Variants in ZMYM4 observed in about 807,000 individuals in gnomAD.
ZMYM4 encodes the protein zinc finger MYM-type protein 4.
ZMYM4 carries 31 observed loss-of-function variants against 183.2 expected under a neutral mutation model. The ratio of observed to expected loss-of-function variants is 0.17; its 90% CI spans 0.13 to 0.23. ZMYM4 has a LOEUF of 0.23. ZMYM4 is among the 10% of genes least tolerant of loss of function. ZMYM4 has a pLI of 1.00. For missense variants in ZMYM4, 1,273 were observed against 1,840.3 expected, an observed-to-expected ratio of 0.69 and a Z score of 5.64; for synonymous variants, 592 against 631.2, an observed-to-expected ratio of 0.94 and a Z score of 0.93.
chr1:35,279,248 T>TTA (rs1276222320), intron 1 of ZMYM4, among the ~76,000 whole-genome samples: 16 of 152,234 alleles, frequency 1.1e-4, no homozygotes, highest in Non-Finnish European at 4.4e-5. Flanking sequence ...GTAAGACACT[T>TTA]TAAAAAATTT....
At chr1:35,357,258 T>C (rs939685884) in intron 2 of ZMYM4, among the ~76,000 whole-genome samples, 2 of 152,110 alleles carry the variant, frequency 1.3e-5, no homozygotes, top group Admixed American at 6.6e-5. Context: ...TCAAATCAAC[T>C]TAACAAAAGG....
intron 2 of ZMYM4, among the ~76,000 whole-genome samples, chr1:35,351,902 A>G (rs527541589): frequency 4.6e-5 from 7 of 152,228 alleles, no homozygotes; most frequent in Non-Finnish European, 8.8e-5. Context: ...TGCTTTCATT[A>G]TAAAACAAAT....
At chr1:35,329,788 A>G (rs1184750602) in intron 2 of ZMYM4, among the ~76,000 whole-genome samples, 2 of 152,168 alleles carry the variant, frequency 1.3e-5, no homozygotes, top group Non-Finnish European at 2.9e-5. Flanking sequence ...TCCTGGGGTC[A>G]AGCAGTCCTC....
intron 7 of ZMYM4, 41 bp from the exon 8 acceptor site, chr1:35,381,218 G>C (rs1441573007): frequency 6.7e-7 from 1 of 1,481,566 alleles, no homozygotes; most frequent in Admixed American, 2.2e-5. Flanking sequence ...AAAAAGAAAT[G>C]AATTATACCA....
In ZMYM4 at chr1:35,418,435, G is replaced by A. The variant is rs1480788934; in HGVS notation, c.4310-8G>A. The A allele has an allele frequency of 3.7e-6, 6 of 1,612,678 alleles. No individual in the cohort carries two copies. The East Asian group carries it at 6.7e-5, about 18-fold the overall frequency. ...TATAATCCTTTGATTATTATTTCCT[G>A]TCTCAAGATAAACTGACTGTTGGCA... On this transcript the variant is annotated splice_polypyrimidine_tract_variant and splice_region_variant and intron_variant, in intron 28 of 29. Coordinates refer to ENST00000314607, the MANE Select transcript of ZMYM4 (RefSeq NM_005095.3).
In ZMYM4 at chr1:35,389,214, A is replaced by C. The variant is rs1644647362; in HGVS notation, c.2436+132A>C. The C allele has an allele frequency of 1.2e-6, 1 of 861,672 alleles. No homozygotes were observed. Among genetic ancestry groups the C allele is most frequent in the Non-Finnish European group, 1.7e-6 (1 of 595,284 alleles). The allele number at this position is 861,672 out of a possible 1,614,324, so 53.4% of individuals were successfully genotyped here. A position where few individuals can be genotyped will look rare whatever the true frequency, so the allele number is the denominator to read the frequency against. On this transcript the variant is annotated intron_variant, in intron 14 of 29. Coordinates refer to ENST00000314607, the MANE Select transcript of ZMYM4 (RefSeq NM_005095.3). This position sits in a 1 kb window ranked among gnomAD's most constrained non-coding sequence, Gnocchi z 4.0. ...TATTAAATGTTTTATGCCTTCTAGC[A>C]ATTAATATAAGATTTAGAAAGACTT... is the stretch of plus-strand genomic sequence containing the variant.
intron 1 of ZMYM4, among the ~76,000 whole-genome samples, chr1:35,291,896 A>G (rs1640781345): frequency 6.6e-6 from 1 of 152,014 alleles, no homozygotes; most frequent in Non-Finnish European, 1.5e-5. Context: ...TGACCTCCCA[A>G]AGTGCTGGGA....
At chr1:35,392,740 C>G in intron 17 of ZMYM4, 56 bp downstream of exon 17, 1 of 1,398,986 alleles carries the variant, frequency 7.1e-7, no homozygotes, top group Non-Finnish European at 9.9e-7. Context: ...CATTTTCATA[C>G]AGTATAAATA....
chr1:35,330,126 G>A (rs756868160), intron 2 of ZMYM4, among the ~76,000 whole-genome samples: 3 of 151,322 alleles, frequency 2.0e-5, no homozygotes, highest in Admixed American at 6.6e-5. Context: ...GAGTCAGGAG[G>A]ATTGATTGAG....
In ZMYM4 at chr1:35,418,157, C is replaced by T. The variant is rs1414350103; in HGVS notation, c.4310-286C>T. 2.6e-4 allele frequency among the ~76,000 whole-genome samples: 40 copies of T among 152,286 alleles called. 1 individual carries two copies. Among genetic ancestry groups the T allele is most frequent in the Middle Eastern group, 3.4e-3 (1 of 294 alleles). ...AATAAAGTCAGGCTCAGAATAGAGACGTTTTCCAGTGCCAGTGCCATACTT... is the reference window on the plus strand; with the variant it reads ...AATAAAGTCAGGCTCAGAATAGAGATGTTTTCCAGTGCCAGTGCCATACTT... On this transcript the variant is annotated intron_variant, in intron 28 of 29. Coordinates refer to ENST00000314607, the MANE Select transcript of ZMYM4 (RefSeq NM_005095.3).
rs1057165199 is a variant in ZMYM4 at position 35,361,138 on chromosome 1, G to A, written c.608-56G>A. 14 of 1,457,746 alleles carry A rather than the reference G, an allele frequency of 9.6e-6. No individual in the cohort carries two copies. In the Admixed American group the frequency reaches 2.6e-4, roughly 27 times the overall value. 90.3% of individuals were successfully genotyped at this position (1,457,746 alleles called of 1,614,324 possible). A position where few individuals can be genotyped will look rare whatever the true frequency, so the allele number is the denominator to read the frequency against. On this transcript the variant is annotated intron_variant, in intron 3 of 29. Coordinates refer to ENST00000314607, the MANE Select transcript of ZMYM4 (RefSeq NM_005095.3). ...ATGATAGCTTTTTAGGTCACTCTTTGTAAGATTTGTTATTCATATACATGT... is the reference window on the plus strand; with the variant it reads ...ATGATAGCTTTTTAGGTCACTCTTTATAAGATTTGTTATTCATATACATGT...
rs1229826832 is a variant in ZMYM4 at position 35,420,534 on chromosome 1, A to G, written c.*857A>G. Reference sequence around the variant, plus strand: ...TCTCACAGCCTGAGCTGTGGTACAGAGAAATGGGGGTTCTCCTTTTATTTT... The same window carrying G: ...TCTCACAGCCTGAGCTGTGGTACAGGGAAATGGGGGTTCTCCTTTTATTTT... On this transcript the variant is annotated 3_prime_UTR_variant, in exon 30 of 30. Coordinates refer to ENST00000314607, the MANE Select transcript of ZMYM4 (RefSeq NM_005095.3). 2 of 152,646 alleles carry G rather than the reference A, an allele frequency of 1.3e-5. No individual in the cohort carries two copies. Among genetic ancestry groups the G allele is most frequent in the African/African-American group, 2.4e-5 (1 of 41,460 alleles). The allele number at this position is 152,646 out of a possible 1,614,324, so 9.5% of individuals were successfully genotyped here.
intron 2 of ZMYM4, chr1:35,351,001 A>C: frequency 2.3e-6 from 2 of 853,966 alleles, no homozygotes; most frequent in Non-Finnish European, 3.7e-6. Flanking sequence ...CTGACAAATT[A>C]TGCTGCAGCG....
intron 7 of ZMYM4, among the ~76,000 whole-genome samples, chr1:35,378,437 A>G (rs528693259): frequency 1.3e-5 from 2 of 152,350 alleles, no homozygotes; most frequent in East Asian, 3.9e-4. Flanking sequence ...AATGAGTTGC[A>G]AAAGTTGAAA....
intron 1 of ZMYM4, among the ~76,000 whole-genome samples, chr1:35,314,955 G>A (rs1641978095): frequency 6.6e-6 from 1 of 151,404 alleles, no homozygotes; most frequent in Admixed American, 6.6e-5. Context: ...AACCCAGGAG[G>A]CAGAGTTTGC....
chr1:35,389,100 T>G lies in ZMYM4; in HGVS notation c.2436+18T>G. The G allele has an allele frequency of 6.3e-7, 1 of 1,592,112 alleles. No homozygotes were observed. The highest frequency in any genetic ancestry group is 1.1e-5 in the South Asian group (1 of 87,826). ...TCTATCAGGTAAATAGAATTCACAT[T>G]CCTGGGTTTTTCATTCTAGGGCATA... On this transcript the variant is annotated intron_variant, in intron 14 of 29. Transcript: ENST00000314607. The surrounding 1 kb of genome is among the most constrained non-coding windows in gnomAD (Gnocchi z 4.0).
rs185918740 is a variant in ZMYM4 at position 35,415,521 on chromosome 1, C to T, written c.4116C>T (p.Gly1372=). ...ATTTGTGGGAGTGCAAACAGCTGGG[C>T]GCTTACTCACCAATCGTCCTTTTAA... ...EEHLWECKQL[G]AYSPIVLLNT... The change falls in exon 28 of 30, where the codon GGC becomes GGT. Residue 1372 remains glycine, a synonymous_variant. Transcript: ENST00000314607. 1.6e-5 allele frequency: 26 copies of T among 1,614,186 alleles called. No homozygotes were observed. The Admixed American group carries it at 2.3e-4, about 14-fold the overall frequency.
chr1:35,419,344 T>A (rs1640243164), intron 29 of ZMYM4, 126 bp from the exon 30 acceptor site: 1 of 993,804 alleles, frequency 1.0e-6, no homozygotes, highest in Non-Finnish European at 1.4e-6. Flanking sequence ...TAATTGCAGT[T>A]TTTGCCCTTA....
intron 2 of ZMYM4, among the ~76,000 whole-genome samples, chr1:35,348,508 T>C (rs1288432257): frequency 6.6e-6 from 1 of 152,244 alleles, no homozygotes; most frequent in African/African-American, 2.4e-5. Context: ...GACTAAATTA[T>C]TACATTGTAG....
Sources: allele counts gnomAD v4.1 joint callset (sites outside exome capture counted in the v4.1 genomes callset), GRCh38; gene constraint gnomAD v4.1.1; non-coding constraint Gnocchi (gnomAD v3.1); transcripts MANE v1.5; gene names NCBI Gene and HGNC (gene_info 2026-07-23, HGNC 2026-07-21).